The following SLC24A2 variants were observed in gnomAD, a reference collection of about 807,000 sequenced individuals.
SLC24A2 encodes the protein solute carrier family 24 member 2, also known as sodium/potassium/calcium exchanger 2.
Under a neutral mutation model 62.0 loss-of-function variants are expected in SLC24A2, and 36 were observed. The observed-to-expected ratio is 0.58, with a 90% CI of 0.44 to 0.77. The LOEUF is 0.77. Ranked by LOEUF, SLC24A2 falls within the 30% of genes least tolerant of loss-of-function variation. The pLI, the probability that SLC24A2 is intolerant of heterozygous loss-of-function variation, is 0.00. For missense variants in SLC24A2, 846 were observed against 817.9 expected, an observed-to-expected ratio of 1.03 and a Z score of -0.42; for synonymous variants, 358 against 294.0, an observed-to-expected ratio of 1.22 and a Z score of -2.23.
intron 2 of SLC24A2, among the ~76,000 whole-genome samples, chr9:19,712,831 A>C (rs1193097510): frequency 1.3e-5 from 2 of 152,166 alleles, no homozygotes; most frequent in Admixed American, 1.3e-4. Context: ...CCTCTGCAGC[A>C]TAGGGTGTTT....
At chr9:20,107,202 A>G in the SLC24A2 span, among the ~76,000 whole-genome samples, 2 of 152,202 alleles carry the variant, frequency 1.3e-5, no homozygotes, top group East Asian at 3.8e-4. Flanking sequence ...AGAGGATACA[A>G]AGAAATGGAA....
intron 2 of SLC24A2, among the ~76,000 whole-genome samples, chr9:19,672,221 T>A (rs927240572): frequency 3.4e-5 from 5 of 146,474 alleles, no homozygotes; most frequent in Non-Finnish European, 7.4e-5. Flanking sequence ...TTCTCACTGT[T>A]TGTTATTGGT....
chr9:19,840,899 T>C, the SLC24A2 span, among the ~76,000 whole-genome samples: 12 of 152,204 alleles, frequency 7.9e-5, no homozygotes, highest in Non-Finnish European at 1.5e-4. Context: ...TTTTAAAGAA[T>C]TATCCATGTT....
the SLC24A2 span, among the ~76,000 whole-genome samples, chr9:20,084,886 G>A: frequency 6.6e-6 from 1 of 152,212 alleles, no homozygotes; most frequent in Non-Finnish European, 1.5e-5. Context: ...AAGAGGTTGT[G>A]TGTACAGTTG....
At chr9:19,966,622 A>C in the SLC24A2 span, among the ~76,000 whole-genome samples, 1 of 152,334 alleles carries the variant, frequency 6.6e-6, no homozygotes, top group South Asian at 2.1e-4. Context: ...TCACTAATAA[A>C]AATGTCACTA....
chr9:19,894,509 GT>G, the SLC24A2 span, among the ~76,000 whole-genome samples: 2 of 151,022 alleles, frequency 1.3e-5, no homozygotes, highest in Admixed American at 6.6e-5. Flanking sequence ...GGCCAATTTT[GT>G]TTTTTTTTAT....
rs752112345 is a variant in SLC24A2, at chr9:19,786,010, A to T, written c.857T>A (p.Val286Glu). The T allele has an allele frequency of 1.9e-6, 3 of 1,614,102 alleles. No homozygotes were observed. Among genetic ancestry groups the T allele is most frequent in the Non-Finnish European group, 2.5e-6 (3 of 1,179,950 alleles). Residue 286 changes from valine to glutamate, a missense_variant, in exon 2 of 11, where the codon GTA (valine) becomes GAA (glutamate). By Grantham distance (121) the Val-to-Glu change is moderately radical. Transcript: ENST00000341998. This position sits in a 1 kb window ranked among gnomAD's most constrained non-coding sequence, Gnocchi z 5.0. Reference protein sequence around the residue: ...YVVFMKFNVQVEKWVKQMINR... With the variant: ...YVVFMKFNVQEEKWVKQMINR... ...TATCATTTGCTTCACCCATTTTTCT[A>T]CTTGGACGTTGAATTTCATGAAAAC...
At chr9:20,224,228 A>G in the SLC24A2 span, among the ~76,000 whole-genome samples, 2 of 152,054 alleles carry the variant, frequency 1.3e-5, no homozygotes, top group African/African-American at 4.8e-5. Flanking sequence ...TATGACAAAT[A>G]AGAATTTAAA....
intron 2 of SLC24A2, among the ~76,000 whole-genome samples, chr9:19,751,265 T>C (rs1461983192): frequency 6.6e-6 from 1 of 152,050 alleles, no homozygotes; most frequent in Admixed American, 6.5e-5. Flanking sequence ...ACAACAACCC[T>C]AGGAGGCCAG....
chr9:19,634,826 T>G (rs929500052), intron 2 of SLC24A2, among the ~76,000 whole-genome samples: 4 of 152,232 alleles, frequency 2.6e-5, no homozygotes, highest in Admixed American at 6.5e-5. Flanking sequence ...ATTTTCAATG[T>G]CATGCATCCC....
chr9:19,961,563 C>T, the SLC24A2 span, among the ~76,000 whole-genome samples: 5 of 152,222 alleles, frequency 3.3e-5, no homozygotes, highest in Admixed American at 3.3e-4. Context: ...TAAAGCCTTC[C>T]TTCTTGCCAC....
chr9:20,137,958 G>A, the SLC24A2 span, among the ~76,000 whole-genome samples: 4 of 152,232 alleles, frequency 2.6e-5, no homozygotes, highest in South Asian at 2.1e-4. Context: ...GTACTAAGAC[G>A]ATCCAAGAAA....
chr9:19,882,507 C>T, the SLC24A2 span, among the ~76,000 whole-genome samples: 1 of 151,960 alleles, frequency 6.6e-6, no homozygotes, highest in East Asian at 1.9e-4. Flanking sequence ...TCCACGCCCC[C>T]CACCCACTTT....
the SLC24A2 span, among the ~76,000 whole-genome samples, chr9:20,104,992 A>G: frequency 5.9e-5 from 9 of 152,192 alleles, no homozygotes; most frequent in Non-Finnish European, 1.0e-4. Context: ...AAAATAAAAG[A>G]ACGGAGGAAG....
the SLC24A2 span, among the ~76,000 whole-genome samples, chr9:20,293,103 T>C: frequency 1.3e-5 from 2 of 152,240 alleles, no homozygotes; most frequent in African/African-American, 2.4e-5. Context: ...CTCCTGACTC[T>C]TCTTATAAGG....
chr9:19,725,383 G>C (rs1821141678), intron 2 of SLC24A2, among the ~76,000 whole-genome samples: 1 of 152,126 alleles, frequency 6.6e-6, no homozygotes, highest in African/African-American at 2.4e-5. Context: ...ATCCAAATGT[G>C]CCTCCTCCAG....
chr9:19,731,516 C>CCCTGTGT (rs72153360), intron 2 of SLC24A2, among the ~76,000 whole-genome samples: 1 of 113,710 alleles, frequency 8.8e-6, no homozygotes, highest in Non-Finnish European at 2.1e-5. Flanking sequence ...TCTCTCTCTC[C>CCCTGTGT]GTGTGTGTGT....
the SLC24A2 span, among the ~76,000 whole-genome samples, chr9:19,830,054 G>T: frequency 6.6e-6 from 1 of 152,024 alleles, no homozygotes; most frequent in African/African-American, 2.4e-5. Context: ...GGCAAGGGCA[G>T]ATGGGTGATG....
In SLC24A2 at chr9:19,595,858, A is replaced by C. The variant is rs182350722; in HGVS notation, c.1129+1371T>G. 2.3e-3 allele frequency among the ~76,000 whole-genome samples: 349 copies of C among 152,270 alleles called. 3 individuals carry two copies. The highest frequency in any genetic ancestry group is 7.6e-3 in the African/African-American group (316 of 41,556). ...CTAACAAACTCCCCCTCCTAAGCCAAGAATAAAATAATAACTGGGACAGGA... is the reference window on the plus strand; with the variant it reads ...CTAACAAACTCCCCCTCCTAAGCCACGAATAAAATAATAACTGGGACAGGA... On this transcript the variant is annotated intron_variant, in intron 5 of 10. Coordinates refer to ENST00000341998, the MANE Select transcript of SLC24A2 (RefSeq NM_020344.4).
Sources: gnomAD v4.1 joint callset for allele counts (sites outside exome capture counted in the v4.1 genomes callset) on GRCh38, gnomAD v4.1.1 for gene constraint, Gnocchi (gnomAD v3.1) non-coding constraint, MANE v1.5 for transcripts, NCBI Gene and HGNC (gene_info 2026-07-23, HGNC 2026-07-21) for gene names.